EYS: variants seen among roughly 807,000 people sequenced by gnomAD.
EYS encodes protein eyes shut homolog.
A neutral mutation model predicts 282.1 loss-of-function variants in EYS; 250 were observed. The ratio of observed to expected loss-of-function variants is 0.89; its 90% CI spans 0.80 to 0.98. The LOEUF is 0.98. Among genes scored for constraint, EYS ranks in the 50% least tolerant of loss-of-function variants. The pLI is 0.00. For missense variants in EYS, 4,016 were observed against 3,709.0 expected, an observed-to-expected ratio of 1.08 and a Z score of -2.15; for synonymous variants, 1,355 against 1,282.9, an observed-to-expected ratio of 1.06 and a Z score of -1.20.
At chr6:64,311,539 G>C (rs1769702817) in intron 29 of EYS, among the ~76,000 whole-genome samples, 1 of 152,120 alleles carries the variant, frequency 6.6e-6, no homozygotes, top group South Asian at 2.1e-4. Context: ...ATAATTCATG[G>C]TACTAAGCAT....
At chr6:64,087,135 T>C (rs966040917) in intron 31 of EYS, among the ~76,000 whole-genome samples, 4 of 152,162 alleles carry the variant, frequency 2.6e-5, no homozygotes, top group African/African-American at 9.6e-5. Context: ...GGAAACTATT[T>C]GGATGTTGCA....
At chr6:64,362,623 A>G (rs58530578) in intron 29 of EYS, among the ~76,000 whole-genome samples, 1,862 of 151,988 alleles carry the variant, frequency 0.012, 37 homozygotes, top group African/African-American at 0.043. Context: ...TACAGAAAAT[A>G]TAATTATTCT....
At chr6:64,108,467 C>A (rs999286335) in intron 31 of EYS, among the ~76,000 whole-genome samples, 1 of 147,128 alleles carries the variant, frequency 6.8e-6, no homozygotes, top group African/African-American at 2.5e-5. Context: ...GACTTCCAAG[C>A]TCCTTACATA....
At chr6:64,524,549 C>G (rs1313512744) in intron 26 of EYS, among the ~76,000 whole-genome samples, 2 of 151,844 alleles carry the variant, frequency 1.3e-5, no homozygotes, top group Non-Finnish European at 2.9e-5. Flanking sequence ...AAATCTTTGT[C>G]TGTTCCTATG....
intron 26 of EYS, among the ~76,000 whole-genome samples, chr6:64,553,137 G>A (rs763938085): frequency 1.9e-4 from 29 of 151,968 alleles, no homozygotes; most frequent in Admixed American, 3.9e-4. Context: ...GGATCTCACG[G>A]AGCTGTGTCA....
chr6:64,347,064 A>G (rs1771433229), intron 29 of EYS, among the ~76,000 whole-genome samples: 1 of 151,410 alleles, frequency 6.6e-6, no homozygotes, highest in Non-Finnish European at 1.5e-5. Flanking sequence ...GAAATATCTA[A>G]TCATTCATGT....
At chr6:64,131,101 C>A (rs943962198) in intron 31 of EYS, among the ~76,000 whole-genome samples, 1 of 118,486 alleles carries the variant, frequency 8.4e-6, no homozygotes, top group African/African-American at 4.1e-5. Flanking sequence ...CTCTTGACTT[C>A]GTGATCCTCC....
In EYS at chr6:63,791,288, G is replaced by A. The variant is rs985166277; in HGVS notation, c.7412-2064C>T. The stretch of plus-strand genomic sequence containing the variant: ...GGTATGTTTAAGAACTGCTGGGGCC[G>A]GGCACGGTGGCTCACGCCTGTAATC... On this transcript the variant is annotated intron_variant, in intron 37 of 42. Transcript: ENST00000503581. Among the ~76,000 whole-genome samples, 6 of 152,068 alleles carry A rather than the reference G, an allele frequency of 3.9e-5. No individual in the cohort carries two copies. The South Asian group carries it at 6.2e-4, about 16-fold the overall frequency.
At chr6:64,421,593 T>C (rs1402231208) in intron 28 of EYS, among the ~76,000 whole-genome samples, 1 of 152,174 alleles carries the variant, frequency 6.6e-6, no homozygotes, top group East Asian at 1.9e-4. Flanking sequence ...TAACAATTTA[T>C]CTTTGGCTCA....
At chr6:64,532,417 A>T (rs1374673645) in intron 26 of EYS, among the ~76,000 whole-genome samples, 1 of 152,150 alleles carries the variant, frequency 6.6e-6, no homozygotes. Flanking sequence ...GGAAACATTT[A>T]AAATATTCTA....
At chr6:65,225,686 C>G (rs549275366) in intron 12 of EYS, among the ~76,000 whole-genome samples, 5 of 148,498 alleles carry the variant, frequency 3.4e-5, no homozygotes, top group Non-Finnish European at 7.4e-5. Context: ...TGCACTCCAG[C>G]CTGGGTAACT....
intron 2 of EYS, among the ~76,000 whole-genome samples, chr6:65,600,841 C>T (rs111512426): frequency 0.014 from 2,105 of 151,956 alleles, 36 homozygotes; most frequent in Non-Finnish European, 0.019. Flanking sequence ...GTAGTACTAT[C>T]TACCCTCATG....
At chr6:64,944,660 G>A (rs1377819513) in intron 15 of EYS, among the ~76,000 whole-genome samples, 2 of 152,050 alleles carry the variant, frequency 1.3e-5, no homozygotes, top group Admixed American at 6.6e-5. Context: ...GTGCTGAGGA[G>A]GATTAGTAAA....
chr6:64,249,366 A>G (rs1008050603), intron 30 of EYS, among the ~76,000 whole-genome samples: 1 of 152,138 alleles, frequency 6.6e-6, no homozygotes, highest in Non-Finnish European at 1.5e-5. Context: ...ATGATAGACA[A>G]TGGAGTCTTG....
intron 39 of EYS, among the ~76,000 whole-genome samples, chr6:63,783,184 G>A (rs1770279830): frequency 6.6e-6 from 1 of 152,198 alleles, no homozygotes; most frequent in Non-Finnish European, 1.5e-5. Flanking sequence ...TCTATTCAGA[G>A]TAGTAAATAT....
intron 13 of EYS, among the ~76,000 whole-genome samples, chr6:64,998,349 G>A (rs1294663003): frequency 6.6e-6 from 1 of 152,166 alleles, no homozygotes; most frequent in African/African-American, 2.4e-5. Flanking sequence ...ATAACTACTT[G>A]CAGTCAGTCC....
intron 13 of EYS, 39 bp downstream of exon 13, chr6:65,057,575 A>C (rs1773453218): frequency 8.2e-7 from 1 of 1,226,992 alleles, no homozygotes; most frequent in Non-Finnish European, 1.2e-6. Context: ...TTTTAAAGTT[A>C]ATTATGTTTG....
chr6:63,753,462 T>A (rs529733301), intron 41 of EYS, among the ~76,000 whole-genome samples: 67 of 152,050 alleles, frequency 4.4e-4, no homozygotes, highest in South Asian at 1.7e-3. Context: ...ATCTAGATTT[T>A]AAAAAAAATC....
chr6:64,053,326 C>A (rs1166093094), intron 33 of EYS, among the ~76,000 whole-genome samples: 1 of 151,986 alleles, frequency 6.6e-6, no homozygotes, highest in Non-Finnish European at 1.5e-5. Flanking sequence ...AGTTGAGCTT[C>A]CAAAATTATG....
Sources: gnomAD v4.1 joint callset for allele counts (sites outside exome capture counted in the v4.1 genomes callset) on GRCh38, gnomAD v4.1.1 for gene constraint, MANE v1.5 for transcripts, NCBI Gene and HGNC (gene_info 2026-07-23, HGNC 2026-07-21) for gene names.